MTSS1: variants seen among roughly 807,000 people sequenced by gnomAD.
MTSS1 encodes protein MTSS 1.
MTSS1 carries 18 observed loss-of-function variants against 79.0 expected under a neutral mutation model. The observed-to-expected ratio is 0.23, with a 90% confidence interval of 0.16 to 0.34. The LOEUF (loss-of-function observed/expected upper bound fraction) is 0.34, where lower values mean the gene tolerates loss of function less well. MTSS1 is among the 10% of genes least tolerant of loss of function. The pLI, the probability that MTSS1 is intolerant of heterozygous loss-of-function variation, is 1.00. For missense variants in MTSS1, 815 were observed against 986.2 expected (o/e 0.83, Z 2.33); for synonymous variants, 341 against 368.6 (o/e 0.93, Z 0.86).
intron 3 of MTSS1, among the ~76,000 whole-genome samples, chr8:124,633,829 T>C (rs1182267620): frequency 1.3e-5 from 2 of 151,584 alleles, no homozygotes; most frequent in Non-Finnish European, 2.9e-5. Flanking sequence ...GAAGTAATGT[T>C]TGTTGATCCT....
intron 3 of MTSS1, among the ~76,000 whole-genome samples, chr8:124,641,409 C>T (rs1818026667): frequency 6.6e-6 from 1 of 152,200 alleles, no homozygotes; most frequent in East Asian, 1.9e-4. Flanking sequence ...CTTTTCTAGT[C>T]CCAGGGTCTC....
intron 3 of MTSS1, among the ~76,000 whole-genome samples, chr8:124,689,635 A>G (rs1252990885): frequency 1.3e-5 from 2 of 150,858 alleles, no homozygotes; most frequent in Non-Finnish European, 2.9e-5. Context: ...AATCCTAACT[A>G]CTCGGGAGGA....
At chr8:124,637,788 T>A (rs1482139172) in intron 3 of MTSS1, among the ~76,000 whole-genome samples, 1 of 152,230 alleles carries the variant, frequency 6.6e-6, no homozygotes, top group Non-Finnish European at 1.5e-5. Context: ...CAGCTGTTTT[T>A]TGTGGTTATA....
In MTSS1 at chr8:124,652,796, A is replaced by AT. The variant is rs1407869910; in HGVS notation, c.208+46729_208+46730insA. ...GGCGACAGAGCGAGACTCCGTCTCA[A>AT]AAAAAAAAAAAAAAAAACACAGCCA... On this transcript the variant is annotated intron_variant, in intron 3 of 13. Transcript: ENST00000518547. Among the ~76,000 whole-genome samples the AT allele has an allele frequency of 5.9e-3, 870 of 148,076 alleles. 6 individuals carry two copies. Among genetic ancestry groups the AT allele is most frequent in the African/African-American group, 0.019 (774 of 40,010 alleles).
chr8:124,676,909 G>A (rs1020254900), intron 3 of MTSS1, among the ~76,000 whole-genome samples: 1 of 152,176 alleles, frequency 6.6e-6, no homozygotes, highest in Non-Finnish European at 1.5e-5. Flanking sequence ...ATTGTGTCAT[G>A]TCCAATACTC....
At chr8:124,567,951 C>T (rs1826885858) in intron 7 of MTSS1, 4 of 1,382,684 alleles carry the variant, frequency 2.9e-6, no homozygotes, top group Non-Finnish European at 3.7e-6. Flanking sequence ...CTCATGGTCA[C>T]CCCTTAGTAC....
At chr8:124,671,913 G>T (rs1406317748) in intron 3 of MTSS1, among the ~76,000 whole-genome samples, 1 of 152,116 alleles carries the variant, frequency 6.6e-6, no homozygotes. Context: ...CTCAATTTTT[G>T]CCATATTCAG....
intron 3 of MTSS1, among the ~76,000 whole-genome samples, chr8:124,658,334 C>T (rs889055497): frequency 2.0e-5 from 3 of 152,126 alleles, no homozygotes; most frequent in South Asian, 4.1e-4. Flanking sequence ...TTTCCGTTCT[C>T]GCTTGGCTCT....
intron 3 of MTSS1, among the ~76,000 whole-genome samples, chr8:124,690,041 A>G (rs1169238069): frequency 6.6e-6 from 1 of 152,128 alleles, no homozygotes; most frequent in African/African-American, 2.4e-5. Context: ...TGAGTAAACC[A>G]CTTTATTATG....
At chr8:124,652,378 C>A (rs570863972) in intron 3 of MTSS1, among the ~76,000 whole-genome samples, 2 of 151,422 alleles carry the variant, frequency 1.3e-5, no homozygotes, top group African/African-American at 4.8e-5. Context: ...GTTGGCCAGG[C>A]TGGTCTCAAA....
intron 3 of MTSS1, among the ~76,000 whole-genome samples, chr8:124,625,067 G>A (rs866391259): frequency 3.3e-5 from 5 of 152,178 alleles, no homozygotes; most frequent in African/African-American, 1.2e-4. Flanking sequence ...TCTTTTCAGA[G>A]AAATGGTTTT....
Position 124,565,658 on chromosome 8 carries a change from TC to T in MTSS1, c.824+3del. ...AAGCAAGAGTGGACCCCGGCTTCACTCACCTGCAGACACTGGACTTTCTGGA... is the reference window on the plus strand; with the variant it reads ...AAGCAAGAGTGGACCCCGGCTTCACTACCTGCAGACACTGGACTTTCTGGA... On this transcript the variant is annotated splice_donor_region_variant and intron_variant, in intron 9 of 13. Coordinates refer to ENST00000518547, the MANE Select transcript of MTSS1 (RefSeq NM_014751.6). 1 of 1,612,714 alleles carries T rather than the reference TC, an allele frequency of 6.2e-7. No homozygotes were observed. The highest frequency in any genetic ancestry group is 8.5e-7 in the Non-Finnish European group (1 of 1,178,776).
At chr8:124,716,173 A>G (rs1024942410) in intron 1 of MTSS1, among the ~76,000 whole-genome samples, 34 of 152,338 alleles carry the variant, frequency 2.2e-4, no homozygotes, top group African/African-American at 7.2e-4. Context: ...CCCCAAGGGC[A>G]GCATACTCGA....
chr8:124,672,426 G>GCA (rs1824403715), intron 3 of MTSS1, among the ~76,000 whole-genome samples: 1 of 151,648 alleles, frequency 6.6e-6, no homozygotes, highest in Non-Finnish European at 1.5e-5. Context: ...CCCGGGAGAT[G>GCA]GAGGTTGCAG....
chr8:124,624,567 A>G (rs1306421824), intron 3 of MTSS1, among the ~76,000 whole-genome samples: 1 of 152,198 alleles, frequency 6.6e-6, no homozygotes, highest in African/African-American at 2.4e-5. Context: ...GCAGTCTGAC[A>G]CTTGAAGCCC....
At chr8:124,594,178 T>C (rs938438521) in intron 3 of MTSS1, among the ~76,000 whole-genome samples, 3 of 152,216 alleles carry the variant, frequency 2.0e-5, no homozygotes, top group Admixed American at 2.0e-4. Context: ...TTCCCAGGTA[T>C]TTCCCATAGA....
At chr8:124,567,738 C>T in intron 7 of MTSS1, 2 of 1,519,000 alleles carry the variant, frequency 1.3e-6, no homozygotes, top group Non-Finnish European at 1.8e-6. Context: ...GGACCACGGG[C>T]CGGGCTAGAA....
At chr8:124,711,992 A>T (rs1174223576) in intron 1 of MTSS1, among the ~76,000 whole-genome samples, 1 of 150,834 alleles carries the variant, frequency 6.6e-6, no homozygotes. Context: ...TAGGTGACAG[A>T]GCGAGACTGT....
At chr8:124,594,481 G>A (rs1226755025) in intron 3 of MTSS1, among the ~76,000 whole-genome samples, 1 of 152,168 alleles carries the variant, frequency 6.6e-6, no homozygotes, top group East Asian at 1.9e-4. Context: ...AGTGAGCTGA[G>A]ACTGCGCCAC....
Sources: allele counts gnomAD v4.1 joint callset (sites outside exome capture counted in the v4.1 genomes callset), GRCh38; gene constraint gnomAD v4.1.1; transcripts MANE v1.5; gene names NCBI Gene and HGNC (gene_info 2026-07-23, HGNC 2026-07-21).